Variants in DEF6 observed in about 807,000 individuals in gnomAD.
The protein encoded by DEF6 is DEF6 guanine nucleotide exchange factor, also known as differentially expressed in FDCP 6 homolog.
A neutral mutation model predicts 80.5 loss-of-function variants in DEF6; 32 were observed. The ratio of observed to expected loss-of-function variants is 0.40; its 90% CI spans 0.30 to 0.53. The LOEUF is 0.53. DEF6 is among the 20% of genes least tolerant of loss of function. The pLI is 0.57. For missense variants in DEF6, 575 were observed against 818.7 expected, an observed-to-expected ratio of 0.70 and a Z score of 3.63; for synonymous variants, 300 against 337.9, an observed-to-expected ratio of 0.89 and a Z score of 1.23.
intron 5 of DEF6, among the ~76,000 whole-genome samples, chr6:35,314,361 T>G (rs1384693714): frequency 6.7e-6 from 1 of 149,508 alleles, no homozygotes; most frequent in South Asian, 2.1e-4. Flanking sequence ...GAGTCAAGAT[T>G]GCACCATTGC....
intron 10 of DEF6, 100 bp from the exon 11 acceptor site, chr6:35,321,087 C>A (rs1791584982): frequency 1.9e-6 from 3 of 1,545,882 alleles, no homozygotes; most frequent in Middle Eastern, 4.5e-4. Context: ...GCAGGACTGG[C>A]AGTCAGGAGG....
chr6:35,321,232 C>T lies in DEF6; in HGVS notation c.1718C>T (p.Pro573Leu). Reference protein sequence around the residue: ...TSSSFSGFQPPLLAHRDSSLK... With the variant: ...TSSSFSGFQPLLLAHRDSSLK... Reference sequence around the variant, plus strand: ...AGCTCCTTCTCAGGCTTCCAGCCCCCTCTGCTTGCCCACCGTGACTCCTCC... The same window carrying T: ...AGCTCCTTCTCAGGCTTCCAGCCCCTTCTGCTTGCCCACCGTGACTCCTCC... Residue 573 changes from proline (P) to leucine (L), a missense_variant, in exon 11 of 11, where the codon CCT becomes CTT. By Grantham distance (98) the Pro-to-Leu change is moderately conservative. Transcript: ENST00000316637. The T allele has an allele frequency of 6.2e-7, 1 of 1,613,350 alleles. No homozygotes were observed. Among genetic ancestry groups the T allele is most frequent in the Non-Finnish European group, 8.5e-7 (1 of 1,179,994 alleles).
chr6:35,308,718 A>C (rs1476007575), intron 1 of DEF6, among the ~76,000 whole-genome samples: 1 of 105,732 alleles, frequency 9.5e-6, no homozygotes, highest in Non-Finnish European at 2.2e-5. Context: ...AAAATAAAAT[A>C]AAATAAAATA....
At chr6:35,306,605 A>G (rs1791393921) in intron 1 of DEF6, among the ~76,000 whole-genome samples, 1 of 152,212 alleles carries the variant, frequency 6.6e-6, no homozygotes. Context: ...TCTGTATACA[A>G]ATAAACAGGT....
At chr6:35,305,942 G>C (rs1791383863) in intron 1 of DEF6, among the ~76,000 whole-genome samples, 1 of 151,692 alleles carries the variant, frequency 6.6e-6, no homozygotes, top group South Asian at 2.1e-4. Context: ...GCCCAGGCTG[G>C]GGTGCAATGG....
Position 35,318,107 on chromosome 6 carries a change from A to C in DEF6, c.917-66A>C. 1 of 1,539,362 alleles carries C rather than the reference A, an allele frequency of 6.5e-7. No individual in the cohort carries two copies. Among genetic ancestry groups the C allele is most frequent in the Non-Finnish European group, 8.7e-7 (1 of 1,143,126 alleles). ...CGGGAGGTTGGAGAGTGGACTCGGG[A>C]AACTCCTAAGGCCCCTTTCGGGCCG... On this transcript the variant is annotated intron_variant, in intron 6 of 10. Transcript: ENST00000316637. The surrounding 1 kb of genome is among the most constrained non-coding windows in gnomAD (Gnocchi z 5.1).
chr6:35,319,576 G>A lies in DEF6; in HGVS notation c.1268G>A (p.Arg423Gln), dbSNP rs545840832. ...GAGCTGAAGGAGGAGGAGGCTGCCC[G>A]GCAGCGGCAGCGCATCAAGGAGCTG... ...EMELKEEEAARQRQRIKELEE... is the reference protein window; with the variant it reads ...EMELKEEEAAQQRQRIKELEE... The change falls in exon 8 of 11, where the codon CGG (arginine) becomes CAG (glutamine). Residue 423 changes from arginine (R) to glutamine (Q), a missense_variant. Coordinates refer to ENST00000316637, the MANE Select transcript of DEF6 (RefSeq NM_022047.4). This position sits in a 1 kb window ranked among gnomAD's most constrained non-coding sequence, Gnocchi z 4.5. The A allele has an allele frequency of 2.8e-5, 45 of 1,613,686 alleles. No individual in the cohort carries two copies. The South Asian group carries it at 3.7e-4, about 13-fold the overall frequency.
chr6:35,300,386 A>G (rs892453598), intron 1 of DEF6, among the ~76,000 whole-genome samples: 2 of 152,088 alleles, frequency 1.3e-5, no homozygotes, highest in African/African-American at 2.4e-5. Flanking sequence ...AGAGACCTGC[A>G]CTAGCCCAGG....
rs751024827 is a variant in DEF6 at position 35,321,333 on chromosome 6, C to T, written c.1819C>T (p.Leu607Phe). 11 of 1,614,040 alleles carry T rather than the reference C, an allele frequency of 6.8e-6. No individual in the cohort carries two copies. In the Middle Eastern group the frequency reaches 4.9e-4, roughly 72 times the overall value. ...CAACAGCAATGAGCAGCAGAAGTCCCTCAATGGTGGGGATGAGGCTCCTGC... is the reference window on the plus strand; with the variant it reads ...CAACAGCAATGAGCAGCAGAAGTCCTTCAATGGTGGGGATGAGGCTCCTGC... The part of the protein sequence containing the change: ...SPNSNEQQKS[L>F]NGGDEAPAPA... Residue 607 changes from leucine (L) to phenylalanine (F), a missense_variant, in exon 11 of 11, where the codon CTC becomes TTC. Coordinates refer to ENST00000316637, the MANE Select transcript of DEF6 (RefSeq NM_022047.4).
At chr6:35,311,019 A>C (rs10755687) in intron 3 of DEF6, among the ~76,000 whole-genome samples, 103,001 of 152,072 alleles carry the variant, frequency 0.68, 38,203 homozygotes, top group Non-Finnish European at 0.82. Context: ...CAGGACAGGA[A>C]GGATGCTTTA....
chr6:35,302,404 G>T (rs944437259), intron 1 of DEF6, among the ~76,000 whole-genome samples: 1 of 151,948 alleles, frequency 6.6e-6, no homozygotes, highest in Non-Finnish European at 1.5e-5. Context: ...TGAAATCATT[G>T]CTGGGTGCTT....
chr6:35,307,732 A>G (rs181064502), intron 1 of DEF6, among the ~76,000 whole-genome samples: 80 of 152,362 alleles, frequency 5.3e-4, no homozygotes, highest in African/African-American at 1.7e-3. Flanking sequence ...AGGGAAAAAA[A>G]GGAAATACTC....
At position 35,310,330 on chromosome 6, in the gene DEF6, T is replaced by C. The variant is rs1475429848; in HGVS notation, c.238-129T>C. On this transcript the variant is annotated intron_variant, in intron 2 of 10. Transcript: ENST00000316637. ...ACCTGGTAATCAGCTCAGGGATCCCTTGAGTTAGGGCCCTGGACTTGGCCA... is the reference window on the plus strand; with the variant it reads ...ACCTGGTAATCAGCTCAGGGATCCCCTGAGTTAGGGCCCTGGACTTGGCCA... 6.4e-6 allele frequency: 6 copies of C among 941,048 alleles called. No homozygotes were observed. The African/African-American group carries it at 9.8e-5, about 15-fold the overall frequency. 58.3% of individuals were successfully genotyped at this position (941,048 alleles called of 1,614,324 possible).
chr6:35,320,417 A>G (rs1791576616), intron 9 of DEF6, among the ~76,000 whole-genome samples: 1 of 152,138 alleles, frequency 6.6e-6, no homozygotes, highest in African/African-American at 2.4e-5. Flanking sequence ...AGAAAGGGAA[A>G]ATTCCTCCAT....
rs1401524674 is a variant in DEF6 at position 35,309,535 on chromosome 6, A to G, written c.97-135A>G. ...GGCACATAGTATATAAGTTTTAGTT[A>G]TTACTGAACTGAACAGTGTGTGTAG... On this transcript the variant is annotated intron_variant, in intron 1 of 10. Coordinates refer to ENST00000316637, the MANE Select transcript of DEF6 (RefSeq NM_022047.4). 4.2e-6 allele frequency: 4 copies of G among 942,732 alleles called. No individual in the cohort carries two copies. In the African/African-American group the frequency reaches 4.9e-5, roughly 12 times the overall value. The allele number at this position is 942,732 out of a possible 1,614,324, so 58.4% of individuals were successfully genotyped here.
intron 5 of DEF6, 137 bp from the exon 6 acceptor site, chr6:35,317,754 A>C: frequency 1.4e-5 from 9 of 644,570 alleles, no homozygotes; most frequent in East Asian, 5.9e-5. Context: ...GATGCAAGCC[A>C]TGCAGGCTCC....
chr6:35,317,902 C>G lies in DEF6; in HGVS notation c.819C>G (p.Asp273Glu), dbSNP rs755976000. 6.2e-7 allele frequency: 1 copy of G among 1,613,512 alleles called. No homozygotes were observed. Among genetic ancestry groups the G allele is most frequent in the East Asian group, 2.2e-5 (1 of 44,856 alleles). Residue 273 changes from aspartate to glutamate, a missense_variant, in exon 6 of 11, where the codon GAC becomes GAG. Transcript: ENST00000316637. ...CTACCCTGTGCCAGGTGCTGCCAGA[C>G]CGCGACGGAAAGCGCTGCATGTTCT... is the stretch of plus-strand genomic sequence containing the variant. ...DAHCCVEVLP[D>E]RDGKRCMFCV...
rs1301430985 is a variant in DEF6, at chr6:35,319,837, A to G, written c.1401A>G (p.Glu467=). ...IAQTRLLEEE[E]EKLKQLMQLK... is the part of the protein sequence containing the mutation. ...CCGGCAGACTGCTGGAAGAGGAGGA[A>G]GAGAAGCTGAAGCAGTTGATGCAGC... The change falls in exon 9 of 11, where the codon GAA becomes GAG. Residue 467 remains glutamate, a synonymous_variant. Transcript: ENST00000316637. The surrounding 1 kb of genome is among the most constrained non-coding windows in gnomAD (Gnocchi z 4.5). 6.3e-7 allele frequency: 1 copy of G among 1,593,500 alleles called. No homozygotes were observed. The highest frequency in any genetic ancestry group is 2.3e-5 in the East Asian group (1 of 43,800).
At chr6:35,308,247 T>G (rs1273010616) in intron 1 of DEF6, among the ~76,000 whole-genome samples, 1 of 152,134 alleles carries the variant, frequency 6.6e-6, no homozygotes, top group Non-Finnish European at 1.5e-5. Flanking sequence ...AAAAAGCGCT[T>G]TGACTGGGTG....
Sources: allele counts gnomAD v4.1 joint callset (sites outside exome capture counted in the v4.1 genomes callset), GRCh38; gene constraint gnomAD v4.1.1; non-coding constraint Gnocchi (gnomAD v3.1); transcripts MANE v1.5; gene names NCBI Gene and HGNC (gene_info 2026-07-23, HGNC 2026-07-21).